Variants in LMNTD1 observed in about 807,000 individuals in gnomAD.
LMNTD1 encodes the protein lamin tail domain containing 1.
LMNTD1 carries 35 observed loss-of-function variants against 50.9 expected under a neutral mutation model. The observed-to-expected ratio is 0.69, with a 90% CI of 0.53 to 0.91. The LOEUF is 0.91. Among genes scored for constraint, LMNTD1 ranks in the 40% least tolerant of loss-of-function variants. The pLI is 0.00. For missense variants in LMNTD1, 470 were observed against 475.5 expected (o/e 0.99, Z 0.11); for synonymous variants, 153 against 161.9 (o/e 0.94, Z 0.42).
intron 1 of LMNTD1, among the ~76,000 whole-genome samples, chr12:25,626,622 C>T (rs1174967801): frequency 1.3e-5 from 2 of 152,096 alleles, no homozygotes; most frequent in African/African-American, 4.8e-5. Flanking sequence ...TTTGTCCTTT[C>T]CTGAGAAGGG....
chr12:25,503,597 T>C (rs1247609838), intron 9 of LMNTD1, 141 bp downstream of exon 9: 1 of 560,196 alleles, frequency 1.8e-6, no homozygotes, highest in East Asian at 3.1e-5. Flanking sequence ...AAAGGCAACA[T>C]AAATATTTAA....
intron 4 of LMNTD1, among the ~76,000 whole-genome samples, chr12:25,545,295 A>G (rs1943363713): frequency 6.6e-6 from 1 of 151,592 alleles, no homozygotes. Context: ...CCTGACCTAC[A>G]TGGTTTCCAC....
intron 1 of LMNTD1, among the ~76,000 whole-genome samples, chr12:25,638,683 A>T (rs541514745): frequency 6.6e-6 from 1 of 152,092 alleles, no homozygotes; most frequent in African/African-American, 2.4e-5. Context: ...ATTAAAGAAG[A>T]CCTAAATAAA....
rs1268381103 is a variant in LMNTD1 at position 25,476,085 on chromosome 12, G to A, written c.*398C>T. On this transcript the variant is annotated 3_prime_UTR_variant, in exon 10 of 10. Transcript: ENST00000458174. ...TTTAATGAAATGTGGCACAGTTATG[G>A]AAAAAAGAGATTTATCAGTCAATGT... 1 of 152,124 alleles carries A rather than the reference G, an allele frequency of 6.6e-6. No individual in the cohort carries two copies. Among genetic ancestry groups the A allele is most frequent in the Admixed American group, 6.5e-5 (1 of 15,282 alleles). The allele number at this position is 152,124 out of a possible 1,614,324, so 9.4% of individuals were successfully genotyped here. A position where few individuals can be genotyped will look rare whatever the true frequency, so the allele number is the denominator to read the frequency against.
intron 9 of LMNTD1, chr12:25,497,867 T>G (rs1277127851): frequency 1.3e-5 from 2 of 152,142 alleles, no homozygotes; most frequent in Non-Finnish European, 2.9e-5. Context: ...CTCTTGGTGC[T>G]TGGGTGTAAT....
chr12:25,612,290 TCACACACACA>T (rs71705893), intron 1 of LMNTD1, among the ~76,000 whole-genome samples: 4 of 107,250 alleles, frequency 3.7e-5, no homozygotes, highest in South Asian at 8.1e-4. Flanking sequence ...CTAAGGTCCC[TCACACACACA>T]CACACACACA....
At chr12:25,482,905 T>A (rs1280968269) in intron 9 of LMNTD1, among the ~76,000 whole-genome samples, 1 of 151,930 alleles carries the variant, frequency 6.6e-6, no homozygotes, top group Admixed American at 6.5e-5. Context: ...GCAGTGCACT[T>A]TGGAGCGTGT....
chr12:25,512,848 C>G (rs1255226215), intron 8 of LMNTD1, among the ~76,000 whole-genome samples: 1 of 125,622 alleles, frequency 8.0e-6, no homozygotes, highest in African/African-American at 2.9e-5. Flanking sequence ...AGAATCTACT[C>G]ACAATTTTTT....
rs1457316525 is a variant in LMNTD1 at position 25,485,436 on chromosome 12, T to G, written c.*23-8976A>C. Among the ~76,000 whole-genome samples, 7 of 66,916 alleles carry G rather than the reference T, an allele frequency of 1.0e-4. 1 individual carries two copies. Among genetic ancestry groups the G allele is most frequent in the Admixed American group, 4.0e-4 (2 of 4,984 alleles). The allele number at this position is 66,916 out of a possible 152,430, so 43.9% of individuals were successfully genotyped here. On this transcript the variant is annotated intron_variant, in intron 9 of 9. Transcript: ENST00000458174. ...TGTCAGATGAGTAGGTTGCGAAAAT[T>G]TTCTCCCATTTTGTAGGTTGCTTGT...
intron 8 of LMNTD1, among the ~76,000 whole-genome samples, chr12:25,513,991 T>A (rs1465914974): frequency 6.6e-6 from 1 of 152,160 alleles, no homozygotes; most frequent in South Asian, 2.1e-4. Context: ...ACATGACCTT[T>A]AAAATTCTTA....
intron 1 of LMNTD1, among the ~76,000 whole-genome samples, chr12:25,571,992 A>G (rs1252392318): frequency 6.6e-6 from 1 of 152,142 alleles, no homozygotes; most frequent in African/African-American, 2.4e-5. Context: ...GATTTCTATA[A>G]AGGTAGGAAA....
chr12:25,523,342 T>C (rs1185380745), intron 6 of LMNTD1, among the ~76,000 whole-genome samples: 1 of 152,216 alleles, frequency 6.6e-6, no homozygotes, highest in Non-Finnish European at 1.5e-5. Context: ...AGGCTTCTTT[T>C]TAAAAATGAC....
At chr12:25,600,685 G>A (rs1280322966) in intron 1 of LMNTD1, among the ~76,000 whole-genome samples, 3 of 151,900 alleles carry the variant, frequency 2.0e-5, no homozygotes, top group Non-Finnish European at 4.4e-5. Flanking sequence ...TGGCAAACAG[G>A]CATATGAAAA....
At chr12:25,619,248 C>CTATATATATATATATATA (rs1256778114) in intron 1 of LMNTD1, among the ~76,000 whole-genome samples, 2 of 78,524 alleles carry the variant, frequency 2.5e-5, no homozygotes, top group Non-Finnish European at 2.5e-5. Context: ...CTCTCTCTCT[C>CTATATATATATATATATA]TCTCTATATA....
chr12:25,492,755 A>G (rs372655352), intron 9 of LMNTD1, among the ~76,000 whole-genome samples: 128 of 152,316 alleles, frequency 8.4e-4, no homozygotes, highest in African/African-American at 2.8e-3. Context: ...AACAAATTCT[A>G]TCTTCATCTC....
intron 9 of LMNTD1, among the ~76,000 whole-genome samples, chr12:25,499,067 G>T (rs896633567): frequency 2.0e-5 from 3 of 152,114 alleles, no homozygotes; most frequent in Admixed American, 6.5e-5. Flanking sequence ...CAGCAGGAAA[G>T]AAATTCTTTT....
intron 3 of LMNTD1, among the ~76,000 whole-genome samples, chr12:25,547,630 T>C (rs1244739084): frequency 2.6e-5 from 4 of 151,676 alleles, no homozygotes; most frequent in Non-Finnish European, 5.9e-5. Context: ...CAAAGTATTT[T>C]GCTGAGAAAA....
chr12:25,623,481 G>C (rs937541464), intron 1 of LMNTD1, among the ~76,000 whole-genome samples: 6 of 140,996 alleles, frequency 4.3e-5, no homozygotes, highest in South Asian at 2.4e-4. Context: ...TTGAACCCAG[G>C]AGGTGGAGAT....
chr12:25,637,016 A>G (rs971000925), intron 1 of LMNTD1, among the ~76,000 whole-genome samples: 2 of 152,054 alleles, frequency 1.3e-5, no homozygotes, highest in East Asian at 3.8e-4. Flanking sequence ...TGAGGGATAA[A>G]AGACTGCAGA....
Sources: allele counts gnomAD v4.1 joint callset (sites outside exome capture counted in the v4.1 genomes callset), GRCh38; gene constraint gnomAD v4.1.1; transcripts MANE v1.5; gene names NCBI Gene and HGNC (gene_info 2026-07-23, HGNC 2026-07-21).